The following NAALADL2 variants were observed in gnomAD, a reference collection of about 807,000 sequenced individuals.
NAALADL2 encodes the protein N-acetylated alpha-linked acidic dipeptidase like 2.
NAALADL2 carries 76 observed loss-of-function variants against 87.2 expected under a neutral mutation model. The observed-to-expected ratio is 0.87, with a 90% CI of 0.72 to 1.05. NAALADL2 has a LOEUF of 1.05. NAALADL2 is among the 50% of genes least tolerant of loss of function. The pLI is 0.00. For missense variants in NAALADL2, 1,089 were observed against 945.8 expected (o/e 1.15, Z -1.99); for synonymous variants, 354 against 331.0 (o/e 1.07, Z -0.75).
At chr3:174,676,429 T>C (rs1368033837) in intron 2 of NAALADL2, among the ~76,000 whole-genome samples, 1 of 151,984 alleles carries the variant, frequency 6.6e-6, no homozygotes, top group Non-Finnish European at 1.5e-5. Context: ...TTAGGTCATA[T>C]AAAATCAAGT....
At chr3:174,754,719 T>G (rs117577661) in intron 3 of NAALADL2, among the ~76,000 whole-genome samples, 1 of 152,316 alleles carries the variant, frequency 6.6e-6, no homozygotes, top group East Asian at 1.9e-4. Context: ...TGAGTTGGAA[T>G]ATGAATATTA....
At chr3:174,987,264 T>C (rs1416934472) in intron 1 of NAALADL2, among the ~76,000 whole-genome samples, 1 of 152,116 alleles carries the variant, frequency 6.6e-6, no homozygotes, top group Non-Finnish European at 1.5e-5. Context: ...ACCTATATTT[T>C]TCCTACCATC....
intron 11 of NAALADL2, among the ~76,000 whole-genome samples, chr3:175,646,519 A>G (rs1275854422): frequency 2.0e-5 from 3 of 152,046 alleles, no homozygotes; most frequent in African/African-American, 7.2e-5. Flanking sequence ...TTATGACAGC[A>G]ATCTGTTGAA....
chr3:175,229,023 A>T (rs1397313915), intron 2 of NAALADL2, among the ~76,000 whole-genome samples: 1 of 151,980 alleles, frequency 6.6e-6, no homozygotes, highest in African/African-American at 2.4e-5. Context: ...GAAATAAAAC[A>T]TACAATTGTC....
intron 2 of NAALADL2, among the ~76,000 whole-genome samples, chr3:175,211,693 G>C (rs558249183): frequency 1.3e-5 from 2 of 151,766 alleles, no homozygotes; most frequent in South Asian, 4.2e-4. Context: ...AATTTAACCC[G>C]GTGTGTTTAA....
At chr3:174,903,753 T>C (rs969111780) in intron 1 of NAALADL2, among the ~76,000 whole-genome samples, 5 of 151,932 alleles carry the variant, frequency 3.3e-5, no homozygotes, top group African/African-American at 1.2e-4. Flanking sequence ...TCCCTGGATA[T>C]TGTTGAATAT....
At chr3:175,470,091 G>T (rs1724643450) in intron 8 of NAALADL2, among the ~76,000 whole-genome samples, 1 of 152,060 alleles carries the variant, frequency 6.6e-6, no homozygotes, top group Admixed American at 6.6e-5. Flanking sequence ...CTTTTAGTTA[G>T]CATAGTGTTC....
At chr3:175,362,725 A>G (rs1765171991) in intron 5 of NAALADL2, among the ~76,000 whole-genome samples, 1 of 148,078 alleles carries the variant, frequency 6.8e-6, no homozygotes, top group Non-Finnish European at 1.5e-5. Context: ...ATCAAATGAT[A>G]GTTCTCCTTT....
chr3:174,694,320 T>C (rs529935911), intron 2 of NAALADL2, among the ~76,000 whole-genome samples: 1 of 152,206 alleles, frequency 6.6e-6, no homozygotes, highest in Admixed American at 6.5e-5. Flanking sequence ...TATGTCGGAC[T>C]GTTCCTAGAG....
intron 2 of NAALADL2, among the ~76,000 whole-genome samples, chr3:175,228,336 G>A (rs1311188951): frequency 6.6e-6 from 1 of 151,860 alleles, no homozygotes; most frequent in Middle Eastern, 3.2e-3. Context: ...GGATATTGTG[G>A]GAGTAGCAAT....
chr3:174,529,133 C>A (rs1390223447), intron 1 of NAALADL2, among the ~76,000 whole-genome samples: 2 of 152,150 alleles, frequency 1.3e-5, no homozygotes, highest in East Asian at 3.8e-4. Flanking sequence ...TAATTACTTC[C>A]TAGATACAAT....
chr3:175,784,346 G>C (rs927089031), intron 13 of NAALADL2, among the ~76,000 whole-genome samples: 1 of 151,916 alleles, frequency 6.6e-6, no homozygotes, highest in African/African-American at 2.4e-5. Flanking sequence ...ACTATTTTTG[G>C]TTGGTAAACT....
chr3:175,213,685 G>A (rs1285338007), intron 2 of NAALADL2, among the ~76,000 whole-genome samples: 1 of 152,058 alleles, frequency 6.6e-6, no homozygotes, highest in African/African-American at 2.4e-5. Context: ...GTCCTTTATA[G>A]GAATTATTAT....
At chr3:174,693,803 G>A (rs759724678) in intron 2 of NAALADL2, among the ~76,000 whole-genome samples, 1 of 152,096 alleles carries the variant, frequency 6.6e-6, no homozygotes. Flanking sequence ...TATAGAGAGT[G>A]TGTACATATG....
intron 5 of NAALADL2, among the ~76,000 whole-genome samples, chr3:175,360,725 A>G (rs889549147): frequency 1.3e-5 from 2 of 151,522 alleles, no homozygotes. Context: ...TATGACACTC[A>G]TTGGTATAAC....
At chr3:174,868,054 C>A (rs1475316651) in intron 1 of NAALADL2, among the ~76,000 whole-genome samples, 1 of 152,022 alleles carries the variant, frequency 6.6e-6, no homozygotes, top group Admixed American at 6.5e-5. Context: ...TAACAGGAGG[C>A]TAATTTCAAA....
intron 3 of NAALADL2, among the ~76,000 whole-genome samples, chr3:174,828,823 T>A (rs913412343): frequency 6.6e-6 from 1 of 152,182 alleles, no homozygotes; most frequent in African/African-American, 2.4e-5. Flanking sequence ...GCTACATGTA[T>A]AATATGGGTC....
At chr3:174,558,937 TAA>T (rs1713221119) in intron 2 of NAALADL2, among the ~76,000 whole-genome samples, 1 of 152,050 alleles carries the variant, frequency 6.6e-6, no homozygotes, top group Non-Finnish European at 1.5e-5. Flanking sequence ...AAATATGACA[TAA>T]AATAGAGTTG....
chr3:175,350,223 A>C (rs553867961), intron 5 of NAALADL2, among the ~76,000 whole-genome samples: 2 of 152,212 alleles, frequency 1.3e-5, no homozygotes, highest in African/African-American at 4.8e-5. Flanking sequence ...TCATTTATTA[A>C]AATATTAGAC....
Sources: allele counts gnomAD v4.1 joint callset (sites outside exome capture counted in the v4.1 genomes callset), GRCh38; gene constraint gnomAD v4.1.1; transcripts MANE v1.5; gene names NCBI Gene and HGNC (gene_info 2026-07-23, HGNC 2026-07-21).